SNTB1: variants seen among roughly 807,000 people sequenced by gnomAD.
SNTB1 encodes syntrophin beta 1.
In SNTB1, 36 loss-of-function variants were observed where a neutral mutation model predicts 48.9. The ratio of observed to expected loss-of-function variants is 0.74; its 90% CI spans 0.56 to 0.97. The LOEUF (loss-of-function observed/expected upper bound fraction) is 0.97. Among genes scored for constraint, SNTB1 ranks in the 50% least tolerant of loss-of-function variants. The probability of loss-of-function intolerance (pLI) is 0.00; values close to 1 mark genes in which losing one functional copy is unlikely to be tolerated. For synonymous variants in SNTB1, 299 were observed against 294.6 expected, an observed-to-expected ratio of 1.01 and a Z score of -0.15; for missense variants, 786 against 703.4, an observed-to-expected ratio of 1.12 and a Z score of -1.33.
At chr8:120,779,654 T>C (rs1166695037) in intron 1 of SNTB1, among the ~76,000 whole-genome samples, 8 of 152,066 alleles carry the variant, frequency 5.3e-5, no homozygotes, top group Admixed American at 5.2e-4. Flanking sequence ...AAAAGAGGAA[T>C]AAAAATTTGC....
chr8:120,589,172 T>C (rs910816138), intron 3 of SNTB1, among the ~76,000 whole-genome samples: 1 of 152,208 alleles, frequency 6.6e-6, no homozygotes, highest in African/African-American at 2.4e-5. Context: ...TGGGAATCAC[T>C]GACCCATGTA....
chr8:120,640,145 G>A (rs1425075714), intron 2 of SNTB1, among the ~76,000 whole-genome samples: 4 of 151,690 alleles, frequency 2.6e-5, no homozygotes, highest in African/African-American at 9.7e-5. Flanking sequence ...AAGCAATTGT[G>A]AATGGGAGTT....
At position 120,554,402 on chromosome 8, in the gene SNTB1, G is replaced by A. The variant is rs149705268; in HGVS notation, c.1137-5444C>T. 1.9e-3 allele frequency among the ~76,000 whole-genome samples: 292 copies of A among 152,262 alleles called. 7 individuals carry two copies. The East Asian group carries it at 0.049, about 26-fold the overall frequency. ...CATACAAATTAGTATAAAAAATCAT[G>A]ACATCTACAATAATCATCCAGACGT... On this transcript the variant is annotated intron_variant, in intron 4 of 6. Coordinates refer to ENST00000517992, the MANE Select transcript of SNTB1 (RefSeq NM_021021.4).
intron 2 of SNTB1, among the ~76,000 whole-genome samples, chr8:120,656,772 A>T (rs934606719): frequency 3.3e-5 from 5 of 152,238 alleles, no homozygotes; most frequent in Non-Finnish European, 7.3e-5. Context: ...TTTGATGCCC[A>T]GTTAAAATTG....
intron 1 of SNTB1, among the ~76,000 whole-genome samples, chr8:120,739,326 T>C (rs893745224): frequency 6.6e-6 from 1 of 152,188 alleles, no homozygotes; most frequent in African/African-American, 2.4e-5. Flanking sequence ...GAAAGAAAAT[T>C]ATTTGAGCCT....
At chr8:120,617,047 A>G (rs146324633) in intron 3 of SNTB1, among the ~76,000 whole-genome samples, 7 of 152,366 alleles carry the variant, frequency 4.6e-5, no homozygotes, top group Non-Finnish European at 1.0e-4. Context: ...GTGGCCCGGG[A>G]CAGCTTTGAA....
chr8:120,715,246 T>A (rs907924276), intron 1 of SNTB1, among the ~76,000 whole-genome samples: 3 of 152,250 alleles, frequency 2.0e-5, no homozygotes, highest in Non-Finnish European at 4.4e-5. Flanking sequence ...AGTCAAAACA[T>A]GCGTTTTTTG....
intron 1 of SNTB1, among the ~76,000 whole-genome samples, chr8:120,744,555 AAATAT>A: frequency 6.6e-6 from 1 of 152,210 alleles, no homozygotes; most frequent in East Asian, 1.9e-4. Flanking sequence ...TTTTACCAGT[AAATAT>A]AATATATTGC....
intron 2 of SNTB1, among the ~76,000 whole-genome samples, chr8:120,686,045 T>C (rs1215016536): frequency 2.0e-5 from 3 of 152,188 alleles, no homozygotes; most frequent in Non-Finnish European, 2.9e-5. Context: ...CCACCATATT[T>C]ATACCAATAT....
At chr8:120,694,746 T>C (rs946321838) in intron 1 of SNTB1, among the ~76,000 whole-genome samples, 1 of 152,016 alleles carries the variant, frequency 6.6e-6, no homozygotes, top group Non-Finnish European at 1.5e-5. Context: ...CAATTATTTC[T>C]GGGTAGAAAT....
intron 1 of SNTB1, among the ~76,000 whole-genome samples, chr8:120,808,900 T>C (rs1208583857): frequency 6.6e-6 from 1 of 152,102 alleles, no homozygotes; most frequent in East Asian, 1.9e-4. Flanking sequence ...TCTAGGTTTT[T>C]TTAAAAAAAA....
At chr8:120,801,770 G>A (rs1017580838) in intron 1 of SNTB1, among the ~76,000 whole-genome samples, 2 of 152,006 alleles carry the variant, frequency 1.3e-5, no homozygotes, top group Admixed American at 6.6e-5. Context: ...TGCTCCTATC[G>A]TTTGTCCGGG....
chr8:120,769,496 C>T (rs1360854024), intron 1 of SNTB1: 1 of 152,214 alleles, frequency 6.6e-6, no homozygotes, highest in Non-Finnish European at 1.5e-5. Context: ...CTTTCAGAGA[C>T]TAGCAGCTTC....
At chr8:120,646,188 C>G (rs1222160193) in intron 2 of SNTB1, among the ~76,000 whole-genome samples, 20 of 137,938 alleles carry the variant, frequency 1.4e-4, no homozygotes, top group African/African-American at 2.9e-4. Flanking sequence ...CTGGCCAGAA[C>G]TTCCAACACT....
At chr8:120,607,149 TAA>T (rs1293483183) in intron 3 of SNTB1, among the ~76,000 whole-genome samples, 5 of 152,032 alleles carry the variant, frequency 3.3e-5, no homozygotes, top group Non-Finnish European at 5.9e-5. Context: ...GTTAAAATAA[TAA>T]AGATTCCAAG....
chr8:120,799,693 G>A (rs565229137), intron 1 of SNTB1, among the ~76,000 whole-genome samples: 184 of 152,110 alleles, frequency 1.2e-3, no homozygotes, highest in African/African-American at 4.3e-3. Context: ...ATTTCCGCAT[G>A]CAGATAGTGT....
intron 5 of SNTB1, among the ~76,000 whole-genome samples, chr8:120,547,700 G>T (rs951510241): frequency 6.6e-6 from 1 of 151,870 alleles, no homozygotes; most frequent in Middle Eastern, 3.4e-3. Flanking sequence ...ACTATAGAAG[G>T]GTTCTTCCTT....
chr8:120,757,753 G>A (rs1200900189), intron 1 of SNTB1, among the ~76,000 whole-genome samples: 2 of 152,164 alleles, frequency 1.3e-5, no homozygotes, highest in Non-Finnish European at 2.9e-5. Context: ...TGACCACAGA[G>A]GTATAGACAC....
chr8:120,649,457 G>T (rs547594863), intron 2 of SNTB1, among the ~76,000 whole-genome samples: 95 of 141,238 alleles, frequency 6.7e-4, no homozygotes, highest in African/African-American at 2.5e-3. Context: ...CTGCTGGGGG[G>T]TGCCTCCCAG....
Sources: allele counts gnomAD v4.1 joint callset (sites outside exome capture counted in the v4.1 genomes callset), GRCh38; gene constraint gnomAD v4.1.1; transcripts MANE v1.5; gene names NCBI Gene and HGNC (gene_info 2026-07-23, HGNC 2026-07-21).